The following FBXW10B variants were observed in gnomAD, a reference collection of about 807,000 sequenced individuals.
FBXW10B encodes F-box and WD repeat domain containing protein 10B.
At chr17:15,565,606 C>G in the FBXW10B span, 2 of 1,614,234 alleles carry the variant, frequency 1.2e-6, no homozygotes, top group Non-Finnish European at 1.7e-6. Context: ...AATAGGCAGG[C>G]CTTTGATCTT....
the FBXW10B span, among the ~76,000 whole-genome samples, chr17:15,591,079 G>T: frequency 6.6e-6 from 1 of 150,624 alleles, no homozygotes; most frequent in Non-Finnish European, 1.5e-5. Context: ...TAGGGCCCAG[G>T]TTCTTGCTGA....
chr17:15,567,379 T>A, the FBXW10B span, among the ~76,000 whole-genome samples: 1 of 152,090 alleles, frequency 6.6e-6, no homozygotes, highest in African/African-American at 2.4e-5. Context: ...GGAATTGTGA[T>A]GAGCTCATTG....
At chr17:15,615,900 T>C in the FBXW10B span, 1 of 1,551,992 alleles carries the variant, frequency 6.4e-7, no homozygotes. Context: ...TTTTTCTTCC[T>C]TCTTTTAAAG....
At chr17:15,588,594 A>T in the FBXW10B span, 7 of 396,272 alleles carry the variant, frequency 1.8e-5, no homozygotes, top group Admixed American at 1.1e-4. Flanking sequence ...ATGAATCCAG[A>T]ACACTCTAAT....
the FBXW10B span, chr17:15,573,799 ATAGT>A: frequency 4.1e-6 from 1 of 245,726 alleles, no homozygotes; most frequent in Non-Finnish European, 7.7e-6. Context: ...TGTTTTTGAA[ATAGT>A]TACAGTAAAA....
At chr17:15,565,658 C>T in the FBXW10B span, 11 of 1,614,266 alleles carry the variant, frequency 6.8e-6, no homozygotes, top group Admixed American at 1.2e-4. Flanking sequence ...GGATCAACCA[C>T]TCCAGTGGAC....
At chr17:15,619,624 T>G in the FBXW10B span, 2 of 1,510,858 alleles carry the variant, frequency 1.3e-6, no homozygotes. Context: ...CCTTTTCTAT[T>G]ACAAACGTCT....
chr17:15,613,872 T>G, the FBXW10B span: 11 of 1,606,314 alleles, frequency 6.8e-6, no homozygotes, highest in Non-Finnish European at 8.5e-6. Flanking sequence ...AGGTAACGGA[T>G]GAAGTCTCGG....
chr17:15,582,762 A>G, the FBXW10B span, among the ~76,000 whole-genome samples: 1 of 152,210 alleles, frequency 6.6e-6, no homozygotes, highest in East Asian at 1.9e-4. Flanking sequence ...TAGAACTTAA[A>G]GTGCAAACCA....
chr17:15,573,140 G>A, the FBXW10B span: 2 of 152,290 alleles, frequency 1.3e-5, no homozygotes, highest in Admixed American at 6.5e-5. Flanking sequence ...TTGTTACAGT[G>A]CTATAGCTCT....
At chr17:15,576,405 G>A in the FBXW10B span, among the ~76,000 whole-genome samples, 1 of 152,142 alleles carries the variant, frequency 6.6e-6, no homozygotes, top group Non-Finnish European at 1.5e-5. Context: ...TGTATAAAAT[G>A]CTTAACAGAC....
the FBXW10B span, among the ~76,000 whole-genome samples, chr17:15,567,306 T>C: frequency 2.4e-4 from 37 of 151,126 alleles, no homozygotes; most frequent in African/African-American, 8.5e-4. Flanking sequence ...AATCAAGATG[T>C]CAAAATCTTC....
the FBXW10B span, among the ~76,000 whole-genome samples, chr17:15,615,374 T>C: frequency 7.6e-6 from 1 of 131,736 alleles, no homozygotes; most frequent in South Asian, 2.5e-4. Context: ...CAGGCTGGAG[T>C]GCAGTGGCAT....
chr17:15,606,748 A>G, the FBXW10B span, among the ~76,000 whole-genome samples: 1 of 152,066 alleles, frequency 6.6e-6, no homozygotes, highest in African/African-American at 2.4e-5. Context: ...ACTAGTCACC[A>G]TCTCTTCTAA....
At chr17:15,582,374 T>C in the FBXW10B span, among the ~76,000 whole-genome samples, 1 of 152,052 alleles carries the variant, frequency 6.6e-6, no homozygotes, top group Non-Finnish European at 1.5e-5. Context: ...CCTTTTTCTA[T>C]CTAAAAGATA....
chr17:15,615,150 C>T, the FBXW10B span, among the ~76,000 whole-genome samples: 2 of 151,346 alleles, frequency 1.3e-5, no homozygotes, highest in African/African-American at 2.4e-5. Context: ...TGCTCCTCCC[C>T]TTACCAGCTG....
chr17:15,618,170 A>C, the FBXW10B span, among the ~76,000 whole-genome samples: 1 of 152,158 alleles, frequency 6.6e-6, no homozygotes, highest in African/African-American at 2.4e-5. Flanking sequence ...TCTACCAAAA[A>C]ATACAAAAAA....
chr17:15,600,892 C>A, the FBXW10B span, among the ~76,000 whole-genome samples: 25 of 147,180 alleles, frequency 1.7e-4, no homozygotes, highest in African/African-American at 6.0e-4. Flanking sequence ...TACTAAAATA[C>A]AAAAAAACAT....
chr17:15,584,969 T>TTCTTC, the FBXW10B span, among the ~76,000 whole-genome samples: 1 of 8,154 alleles, frequency 1.2e-4, no homozygotes, highest in African/African-American at 2.4e-4. Flanking sequence ...CTTCTTCTTC[T>TTCTTC]TTTTTTTTTT....
Sources: allele counts gnomAD v4.1 joint callset (sites outside exome capture counted in the v4.1 genomes callset), GRCh38; gene constraint gnomAD v4.1.1; transcripts MANE v1.5; gene names NCBI Gene and HGNC (gene_info 2026-07-23, HGNC 2026-07-21).